The following CCDC171 variants were observed in gnomAD, a reference collection of about 807,000 sequenced individuals.
The protein encoded by CCDC171 is coiled-coil domain containing 171, also known as coiled-coil domain-containing protein 171.
Under a neutral mutation model 168.2 loss-of-function variants are expected in CCDC171, and 177 were observed. The observed-to-expected ratio is 1.05, with a 90% CI of 0.93 to 1.19. The LOEUF (loss-of-function observed/expected upper bound fraction) is 1.19. Ranked by LOEUF, CCDC171 falls within the 50% of genes most tolerant of loss-of-function variation. CCDC171 has a pLI of 0.00. For synonymous variants in CCDC171, 687 were observed against 540.8 expected, an observed-to-expected ratio of 1.27 and a Z score of -3.75; for missense variants, 1,991 against 1,539.0, an observed-to-expected ratio of 1.29 and a Z score of -4.91.
downstream of CCDC171, among the ~76,000 whole-genome samples, chr9:16,063,155 G>A (rs180768958): frequency 1.3e-5 from 2 of 152,322 alleles, no homozygotes; most frequent in East Asian, 1.9e-4. Context: ...GGGGACCAGT[G>A]ATAGCAGGAA....
At chr9:15,638,837 A>T (rs952642250) in intron 7 of CCDC171, among the ~76,000 whole-genome samples, 1 of 152,082 alleles carries the variant, frequency 6.6e-6, no homozygotes, top group African/African-American at 2.4e-5. Flanking sequence ...GGGAAAAGCA[A>T]ACTGGAAAAA....
chr9:16,026,144 C>T (rs1291636214), intron 6 of CCDC171, among the ~76,000 whole-genome samples: 4 of 152,148 alleles, frequency 2.6e-5, no homozygotes, highest in East Asian at 3.9e-4. Flanking sequence ...GAGTGGGTGT[C>T]GTAACCCATC....
chr9:15,563,186 T>C (rs1299460316), intron 1 of CCDC171, among the ~76,000 whole-genome samples: 4 of 151,738 alleles, frequency 2.6e-5, no homozygotes, highest in Non-Finnish European at 5.9e-5. Flanking sequence ...TTGGCCAGGC[T>C]TGAGTGCAAT....
At chr9:15,565,181 C>T (rs896880223) in intron 2 of CCDC171, among the ~76,000 whole-genome samples, 6 of 151,420 alleles carry the variant, frequency 4.0e-5, no homozygotes, top group African/African-American at 9.7e-5. Context: ...CTCCGCCTCC[C>T]GAGTTCAAGT....
Position 15,963,457 on chromosome 9 carries a change from A to G in CCDC171, c.3754-8152A>G, listed in dbSNP as rs138464968. The stretch of plus-strand genomic sequence containing the variant: ...GAGTGTAGCCATAGAAGAAATGCCT[A>G]GCAGTGGAATTGCTAGGTCAAAGGA... On this transcript the variant is annotated intron_variant, in intron 25 of 25. Transcript: ENST00000380701. Among the ~76,000 whole-genome samples, 851 of 152,310 alleles carry G rather than the reference A, an allele frequency of 5.6e-3. 7 individuals are homozygous for G. The highest frequency in any genetic ancestry group is 9.4e-3 in the Non-Finnish European group (641 of 68,026).
intron 6 of CCDC171, among the ~76,000 whole-genome samples, chr9:15,616,830 A>G (rs1239471737): frequency 6.6e-6 from 1 of 152,238 alleles, no homozygotes; most frequent in East Asian, 1.9e-4. Context: ...AAGGTTGTTC[A>G]TAATACTATT....
chr9:15,670,686 T>A (rs1049735461), intron 9 of CCDC171, among the ~76,000 whole-genome samples: 2 of 152,234 alleles, frequency 1.3e-5, no homozygotes, highest in African/African-American at 4.8e-5. Flanking sequence ...CAGCATACTT[T>A]ATTTTTTCTA....
At chr9:16,061,010 T>G (rs1303045736) in exon 2 of CCDC171, 1 of 152,226 alleles carries the variant, frequency 6.6e-6, no homozygotes, top group Admixed American at 6.5e-5. Flanking sequence ...CTGTTGGACC[T>G]TGAAAGACTT....
At chr9:15,833,169 T>G (rs1460234632) in intron 21 of CCDC171, among the ~76,000 whole-genome samples, 1 of 152,008 alleles carries the variant, frequency 6.6e-6, no homozygotes, top group Non-Finnish European at 1.5e-5. Flanking sequence ...TTTTGTACTT[T>G]TTAGTAGACA....
At chr9:15,817,311 C>T (rs10429535) in intron 21 of CCDC171, among the ~76,000 whole-genome samples, 78,717 of 115,480 alleles carry the variant, frequency 0.68, 36,556 homozygotes, top group Non-Finnish European at 0.89. Context: ...ACTGAGGTAA[C>T]GGGTTCATCT....
intron 20 of CCDC171, among the ~76,000 whole-genome samples, chr9:15,781,157 T>G (rs1423951660): frequency 1.3e-5 from 2 of 152,196 alleles, no homozygotes; most frequent in Non-Finnish European, 2.9e-5. Context: ...ATTCTAAATA[T>G]TCTACACAAT....
intron 25 of CCDC171, among the ~76,000 whole-genome samples, chr9:15,932,558 G>C (rs1176330058): frequency 6.6e-6 from 1 of 151,880 alleles, no homozygotes; most frequent in Non-Finnish European, 1.5e-5. Context: ...TCTGCAAACA[G>C]AGACAACTTG....
chr9:16,039,513 C>T (rs993809547), upstream of CCDC171, among the ~76,000 whole-genome samples: 3 of 152,130 alleles, frequency 2.0e-5, no homozygotes, highest in Admixed American at 2.0e-4. Flanking sequence ...TCAGAGGAGG[C>T]TGATTATTTC....
At chr9:15,623,492 C>CACACACACACAT (rs2044737700) in intron 7 of CCDC171, 79 bp downstream of exon 7, 1 of 658,622 alleles carries the variant, frequency 1.5e-6, no homozygotes, top group Admixed American at 3.1e-5. Context: ...CACACACACA[C>CACACACACACAT]ACACACACAC....
intron 6 of CCDC171, among the ~76,000 whole-genome samples, chr9:15,604,907 T>C (rs2043108938): frequency 6.6e-6 from 1 of 152,106 alleles, no homozygotes; most frequent in South Asian, 2.1e-4. Context: ...GGAATATAAT[T>C]TTATTTTGTT....
At chr9:16,050,810 A>G (rs1488105963) in intron 1 of CCDC171, among the ~76,000 whole-genome samples, 2 of 152,244 alleles carry the variant, frequency 1.3e-5, no homozygotes, top group Non-Finnish European at 2.9e-5. Flanking sequence ...CATATGTGGT[A>G]GTAACCCCTC....
At chr9:15,597,234 G>A (rs1261333473) in intron 6 of CCDC171, among the ~76,000 whole-genome samples, 1 of 152,128 alleles carries the variant, frequency 6.6e-6, no homozygotes, top group African/African-American at 2.4e-5. Context: ...AGTTTTCAAA[G>A]GGAATGCTTC....
At chr9:15,914,202 C>G (rs1188438269) in intron 24 of CCDC171, among the ~76,000 whole-genome samples, 1 of 151,706 alleles carries the variant, frequency 6.6e-6, no homozygotes, top group Non-Finnish European at 1.5e-5. Context: ...CTCTTCAGAG[C>G]TGACAGGCAG....
chr9:15,639,104 A>G (rs1295101298), intron 7 of CCDC171, among the ~76,000 whole-genome samples: 2 of 152,062 alleles, frequency 1.3e-5, no homozygotes, highest in Admixed American at 6.6e-5. Flanking sequence ...AATGCGTACT[A>G]TCTTCAACTG....
Sources: gnomAD v4.1 joint callset for allele counts (sites outside exome capture counted in the v4.1 genomes callset) on GRCh38, gnomAD v4.1.1 for gene constraint, MANE v1.5 for transcripts, NCBI Gene and HGNC (gene_info 2026-07-23, HGNC 2026-07-21) for gene names.